EIF2B3: variants seen among roughly 807,000 people sequenced by gnomAD.
EIF2B3 encodes eukaryotic translation initiation factor 2B subunit gamma, also known as translation initiation factor eIF2B subunit gamma.
Under a neutral mutation model 54.1 loss-of-function variants are expected in EIF2B3, and 20 were observed. The observed-to-expected ratio is 0.37, with a 90% CI of 0.26 to 0.54. EIF2B3 has a LOEUF of 0.54. Among genes scored for constraint, EIF2B3 ranks in the 20% least tolerant of loss-of-function variants. EIF2B3 has a pLI of 0.86. For synonymous variants in EIF2B3, 153 were observed against 188.1 expected (o/e 0.81, Z 1.52); for missense variants, 448 against 547.8 (o/e 0.82, Z 1.82).
chr1:44,979,042 T>C (rs1237034740), intron 2 of EIF2B3, among the ~76,000 whole-genome samples: 3 of 151,816 alleles, frequency 2.0e-5, no homozygotes, highest in Non-Finnish European at 4.4e-5. Flanking sequence ...ATCCCAGCAC[T>C]TTGGGAGGCC....
intron 6 of EIF2B3, among the ~76,000 whole-genome samples, chr1:44,890,392 T>G (rs2148910960): frequency 6.6e-6 from 1 of 152,270 alleles, no homozygotes; most frequent in South Asian, 2.1e-4. Flanking sequence ...TGTGTGATGC[T>G]TATGTAAAAG....
chr1:44,907,223 A>C (rs960071674), intron 5 of EIF2B3, among the ~76,000 whole-genome samples: 1 of 152,176 alleles, frequency 6.6e-6, no homozygotes, highest in African/African-American at 2.4e-5. Flanking sequence ...ATCCAGAGTT[A>C]TCTTTCGAAG....
At chr1:44,928,273 G>C (rs1460413137) in intron 4 of EIF2B3, among the ~76,000 whole-genome samples, 1 of 152,052 alleles carries the variant, frequency 6.6e-6, no homozygotes, top group Non-Finnish European at 1.5e-5. Context: ...GGTGAAACTC[G>C]TCTCTACTAA....
chr1:44,986,467 AT>A (rs1253047386), intron 1 of EIF2B3, 25 bp downstream of exon 1: 1 of 152,428 alleles, frequency 6.6e-6, no homozygotes, highest in African/African-American at 2.4e-5. Context: ...CCTCCCTCAG[AT>A]GAGTGGCCCC....
At chr1:44,883,771 GGCA>G (rs1180352135) in intron 6 of EIF2B3, among the ~76,000 whole-genome samples, 1 of 152,028 alleles carries the variant, frequency 6.6e-6, no homozygotes, top group African/African-American at 2.4e-5. Flanking sequence ...TCTCTATCTC[GGCA>G]GCAGGTAAGA....
intron 5 of EIF2B3, among the ~76,000 whole-genome samples, chr1:44,919,715 C>CTTTTTTTTTT (rs777128961): frequency 1.7e-5 from 2 of 115,888 alleles, no homozygotes; most frequent in Non-Finnish European, 3.4e-5. Flanking sequence ...ATTGAATGTC[C>CTTTTTTTTTT]TTTTTTTTTT....
intron 6 of EIF2B3, among the ~76,000 whole-genome samples, chr1:44,888,649 T>C (rs932664070): frequency 6.6e-6 from 1 of 152,204 alleles, no homozygotes; most frequent in Non-Finnish European, 1.5e-5. Context: ...TGTTCTGTCA[T>C]AAAGAAGGGT....
In EIF2B3 at chr1:44,933,380, T is replaced by G. The variant is rs146294599; in HGVS notation, c.455-6641A>C. Among the ~76,000 whole-genome samples, 785 of 152,252 alleles carry G rather than the reference T, an allele frequency of 5.2e-3. 10 individuals carry two copies. Among genetic ancestry groups the G allele is most frequent in the African/African-American group, 0.018 (754 of 41,538 alleles). ...ATACATGTAGTGGGGGCAGAGCATG[T>G]GGTAAAATAGAACCAAATCTTTACA... On this transcript the variant is annotated intron_variant, in intron 4 of 11. Coordinates refer to ENST00000360403, the MANE Select transcript of EIF2B3 (RefSeq NM_020365.5).
intron 4 of EIF2B3, chr1:44,932,341 C>CTGATA (rs1227386132): frequency 1.3e-5 from 2 of 152,308 alleles, no homozygotes; most frequent in Non-Finnish European, 2.9e-5. Context: ...CCATATCACC[C>CTGATA]TGAAGGCATC....
At chr1:44,975,619 G>A (rs141119909) in intron 3 of EIF2B3, among the ~76,000 whole-genome samples, 10 of 152,240 alleles carry the variant, frequency 6.6e-5, no homozygotes, top group Non-Finnish European at 5.9e-5. Flanking sequence ...ACCAAAAATC[G>A]TTATGTGGCA....
chr1:44,937,549 G>C (rs1643962260), intron 4 of EIF2B3, among the ~76,000 whole-genome samples: 1 of 152,184 alleles, frequency 6.6e-6, no homozygotes, highest in African/African-American at 2.4e-5. Context: ...GTTCGGAGGA[G>C]AAAGGGACTA....
At chr1:44,909,732 G>A (rs1309580287) in intron 5 of EIF2B3, among the ~76,000 whole-genome samples, 1 of 152,166 alleles carries the variant, frequency 6.6e-6, no homozygotes, top group South Asian at 2.1e-4. Flanking sequence ...ACTTCCACAA[G>A]CCCTTCTTCC....
chr1:44,868,397 CAAAAAAAAAA>C (rs34094245), intron 10 of EIF2B3, among the ~76,000 whole-genome samples: 1 of 65,436 alleles, frequency 1.5e-5, no homozygotes, highest in Non-Finnish European at 2.9e-5. Flanking sequence ...GACTCCGTCT[CAAAAAAAAAA>C]AAAAAAAAAA....
chr1:44,937,380 C>T (rs1643960020), intron 4 of EIF2B3: 2 of 152,164 alleles, frequency 1.3e-5, no homozygotes, highest in African/African-American at 2.4e-5. Context: ...CAGATATGAT[C>T]CCTTCCCTTA....
At chr1:44,952,774 G>A (rs978760684) in intron 3 of EIF2B3, among the ~76,000 whole-genome samples, 3 of 150,952 alleles carry the variant, frequency 2.0e-5, no homozygotes, top group Non-Finnish European at 4.4e-5. Context: ...GGATGGTCTC[G>A]ATCTCCTTAC....
At chr1:44,932,591 T>C (rs1262016884) in intron 4 of EIF2B3, among the ~76,000 whole-genome samples, 1 of 152,298 alleles carries the variant, frequency 6.6e-6, no homozygotes, top group East Asian at 1.9e-4. Flanking sequence ...AGATTTTAAG[T>C]GTTCTCACTT....
intron 11 of EIF2B3, among the ~76,000 whole-genome samples, chr1:44,856,528 TAAAAAA>T (rs150728949): frequency 2.9e-5 from 3 of 102,386 alleles, no homozygotes; most frequent in African/African-American, 9.9e-5. Context: ...AAATTAAAAT[TAAAAAA>T]AAAAAAAAAA....
intron 5 of EIF2B3, among the ~76,000 whole-genome samples, chr1:44,905,857 C>A (rs1005856319): frequency 1.3e-5 from 2 of 152,124 alleles, no homozygotes; most frequent in African/African-American, 4.8e-5. Flanking sequence ...CTAATGAGAG[C>A]CACATGTCTA....
At chr1:44,879,056 C>G (rs542867912) in intron 8 of EIF2B3, among the ~76,000 whole-genome samples, 3 of 152,256 alleles carry the variant, frequency 2.0e-5, no homozygotes, top group South Asian at 2.1e-4. Context: ...ACACCGTGCC[C>G]GGACTCTTTT....
Sources: allele counts gnomAD v4.1 joint callset (sites outside exome capture counted in the v4.1 genomes callset), GRCh38; gene constraint gnomAD v4.1.1; transcripts MANE v1.5; gene names NCBI Gene and HGNC (gene_info 2026-07-23, HGNC 2026-07-21).